POLN: variants seen among roughly 807,000 people sequenced by gnomAD.
POLN encodes the protein DNA polymerase nu.
In POLN, 108 loss-of-function variants were observed where a neutral mutation model predicts 113.5. That is an observed-to-expected ratio of 0.95 (90% CI 0.81 to 1.12). The LOEUF is 1.12. Among genes scored for constraint, POLN ranks in the 50% most tolerant of loss-of-function variants. POLN has a pLI of 0.00. For synonymous variants in POLN, 386 were observed against 391.5 expected (o/e 0.99, Z 0.17); for missense variants, 1,097 against 1,077.1 (o/e 1.02, Z -0.26).
chr4:2,238,758 G>C, intron 2 of POLN: 1 of 1,613,680 alleles, frequency 6.2e-7, no homozygotes, highest in Non-Finnish European at 8.5e-7. Context: ...TATATGTCCC[G>C]ATGCTTTCTT....
chr4:2,231,840 A>C, intron 2 of POLN: 1 of 646,326 alleles, frequency 1.5e-6, no homozygotes, highest in Non-Finnish European at 2.7e-6. Context: ...TTGACCTCAA[A>C]TTTTAAAAAT....
intron 19 of POLN, among the ~76,000 whole-genome samples, chr4:2,097,619 A>T (rs1280686219): frequency 6.6e-6 from 1 of 152,058 alleles, no homozygotes; most frequent in African/African-American, 2.4e-5. Flanking sequence ...AAGTGCTGGG[A>T]TTACAGGCGT....
intron 20 of POLN, chr4:2,089,010 T>C: frequency 1.1e-6 from 1 of 876,482 alleles, no homozygotes; most frequent in Non-Finnish European, 1.9e-6. Context: ...TTTTTCTCAT[T>C]ATCCTTAGCA....
intron 23 of POLN, chr4:2,079,319 C>CTGCT (rs1356206991): frequency 1.4e-6 from 1 of 693,056 alleles, no homozygotes; most frequent in African/African-American, 1.9e-5. Flanking sequence ...CTAGCACAAG[C>CTGCT]TGCTCATATC....
At chr4:2,174,335 A>G (rs1732942706) in intron 10 of POLN, among the ~76,000 whole-genome samples, 1 of 152,246 alleles carries the variant, frequency 6.6e-6, no homozygotes, top group Non-Finnish European at 1.5e-5. Flanking sequence ...GCAAAGGCAG[A>G]AGAGAGCCCT....
chr4:2,100,997 G>A (rs934624603), intron 19 of POLN, among the ~76,000 whole-genome samples: 27 of 151,928 alleles, frequency 1.8e-4, no homozygotes, highest in African/African-American at 6.5e-4. Flanking sequence ...GGGCTCATGG[G>A]CCTTGGTGTG....
intron 19 of POLN, among the ~76,000 whole-genome samples, chr4:2,111,077 T>C (rs957877770): frequency 6.6e-5 from 10 of 152,220 alleles, no homozygotes; most frequent in African/African-American, 2.4e-4. Context: ...GATGCAAGGC[T>C]GGTTCAACAT....
intron 2 of POLN, among the ~76,000 whole-genome samples, chr4:2,236,745 C>G (rs1451207736): frequency 1.3e-5 from 2 of 151,854 alleles, no homozygotes; most frequent in African/African-American, 2.4e-5. Context: ...CACCTATAGT[C>G]CCAGATACTC....
rs552005394 is a variant in POLN at position 2,161,280 on chromosome 4, G to A, written c.1555-2069C>T. ...CAGGGAGGTGTGGCGGGAGAGGCAC[G>A]AGCGGGAACCGGGGCTGCGCGGGGC... On this transcript the variant is annotated intron_variant, in intron 13 of 25. Coordinates refer to ENST00000511885, the MANE Select transcript of POLN (RefSeq NM_181808.4). Among the ~76,000 whole-genome samples, 8 of 152,342 alleles carry A rather than the reference G, an allele frequency of 5.3e-5. No homozygotes were observed. In the East Asian group the frequency reaches 1.5e-3, roughly 29 times the overall value.
chr4:2,175,527 A>G (rs1732973581), intron 9 of POLN, among the ~76,000 whole-genome samples: 1 of 152,206 alleles, frequency 6.6e-6, no homozygotes, highest in South Asian at 2.1e-4. Flanking sequence ...GAACATTAGA[A>G]TCTTTATTCC....
At chr4:2,081,544 C>T (rs1176335216) in intron 22 of POLN, 89 bp downstream of exon 22, 8 of 1,243,244 alleles carry the variant, frequency 6.4e-6, no homozygotes, top group Non-Finnish European at 8.2e-6. Context: ...AATACCGCAA[C>T]AGTGATCGGT....
intron 21 of POLN, 104 bp downstream of exon 21, chr4:2,085,509 C>G: frequency 6.7e-7 from 1 of 1,497,016 alleles, no homozygotes; most frequent in Non-Finnish European, 9.1e-7. Flanking sequence ...CCCAAACCAA[C>G]CTCAGGACCC....
rs748088381 is a variant in POLN at position 2,072,015 on chromosome 4, G to T, written c.*99C>A. ...GATGGCGGGCCACCCCAGCCCCAAA[G>T]GGTTAATGCGTCCTGGGGCGTACAG... On this transcript the variant is annotated 3_prime_UTR_variant, in exon 26 of 26. Coordinates refer to ENST00000511885, the MANE Select transcript of POLN (RefSeq NM_181808.4). 7.3e-7 allele frequency: 1 copy of T among 1,367,244 alleles called. No individual in the cohort carries two copies. Among genetic ancestry groups the T allele is most frequent in the Non-Finnish European group, 1.0e-6 (1 of 956,580 alleles). The allele number at this position is 1,367,244 out of a possible 1,614,324, so 84.7% of individuals were successfully genotyped here.
At chr4:2,161,773 G>C (rs1436234533) in intron 13 of POLN, among the ~76,000 whole-genome samples, 3 of 152,356 alleles carry the variant, frequency 2.0e-5, no homozygotes, top group Middle Eastern at 3.4e-3. Context: ...GTCTAGCTCA[G>C]GGGTTGTAAA....
At chr4:2,168,782 C>T (rs531041034) in intron 13 of POLN, among the ~76,000 whole-genome samples, 1 of 152,336 alleles carries the variant, frequency 6.6e-6, no homozygotes, top group South Asian at 2.1e-4. Context: ...GATGCTGCTT[C>T]CAGGAACCAT....
In POLN at chr4:2,195,421, A is replaced by G. The variant is rs372722396; in HGVS notation, c.909-2105T>C. Among the ~76,000 whole-genome samples the G allele has an allele frequency of 4.8e-4, 72 of 151,300 alleles. No individual in the cohort carries two copies. The South Asian group carries it at 0.015, about 31-fold the overall frequency. On this transcript the variant is annotated intron_variant, in intron 6 of 25. Transcript: ENST00000511885. ...GGGGTTGGCAGTGGGGTACCATCTCATACAGGGTGGTCAAGGAAGGTCTGA... is the reference window on the plus strand; with the variant it reads ...GGGGTTGGCAGTGGGGTACCATCTCGTACAGGGTGGTCAAGGAAGGTCTGA...
chr4:2,182,423 G>A (rs941070421), intron 7 of POLN, among the ~76,000 whole-genome samples: 3 of 152,138 alleles, frequency 2.0e-5, no homozygotes, highest in African/African-American at 7.2e-5. Flanking sequence ...AGACTGGAGG[G>A]ATGTGTCTAC....
chr4:2,097,905 T>G (rs1730835282), intron 19 of POLN, among the ~76,000 whole-genome samples: 1 of 152,188 alleles, frequency 6.6e-6, no homozygotes, highest in Non-Finnish European at 1.5e-5. Flanking sequence ...TTTGTTAGAT[T>G]TTTCAATGTT....
chr4:2,089,877 T>C, intron 20 of POLN: 2 of 972,348 alleles, frequency 2.1e-6, no homozygotes, highest in African/African-American at 3.2e-5. Context: ...TGTCTGTAGA[T>C]GACAATCTGA....
Sources: gnomAD v4.1 joint callset for allele counts (sites outside exome capture counted in the v4.1 genomes callset) on GRCh38, gnomAD v4.1.1 for gene constraint, MANE v1.5 for transcripts, NCBI Gene and HGNC (gene_info 2026-07-23, HGNC 2026-07-21) for gene names.